Variants in NOL4 observed in about 807,000 individuals in gnomAD.
The protein encoded by NOL4 is cancer/testis antigen 125.
Under a neutral mutation model 75.9 loss-of-function variants are expected in NOL4, and 17 were observed. That is an observed-to-expected ratio of 0.22 (90% CI 0.15 to 0.34). The LOEUF (loss-of-function observed/expected upper bound fraction) is 0.34, where lower values mean the gene tolerates loss of function less well. Among genes scored for constraint, NOL4 ranks in the 10% least tolerant of loss-of-function variants. The probability of loss-of-function intolerance (pLI) is 1.00; values close to 1 mark genes in which losing one functional copy is unlikely to be tolerated. For synonymous variants in NOL4, 292 were observed against 289.9 expected (o/e 1.01, Z -0.07); for missense variants, 614 against 793.5 (o/e 0.77, Z 2.72).
intron 9 of NOL4, among the ~76,000 whole-genome samples, chr18:33,926,885 A>T (rs2067366284): frequency 6.6e-6 from 1 of 152,210 alleles, no homozygotes; most frequent in South Asian, 2.1e-4. Context: ...GGTGTGAGCC[A>T]CCGGGCCTGG....
intron 5 of NOL4, among the ~76,000 whole-genome samples, chr18:34,075,949 A>G (rs1044718367): frequency 2.0e-5 from 3 of 152,162 alleles, no homozygotes; most frequent in African/African-American, 7.2e-5. Flanking sequence ...GTGTTCATTT[A>G]TAATTGCTAA....
chr18:33,934,476 G>C (rs1347831621), intron 9 of NOL4, among the ~76,000 whole-genome samples: 2 of 152,262 alleles, frequency 1.3e-5, no homozygotes, highest in Non-Finnish European at 2.9e-5. Context: ...CGATGATGTA[G>C]TGATTTCATC....
intron 8 of NOL4, among the ~76,000 whole-genome samples, chr18:33,955,980 CATTT>C (rs2069616169): frequency 6.6e-6 from 1 of 152,068 alleles, no homozygotes; most frequent in Non-Finnish European, 1.5e-5. Context: ...TAAATATTGT[CATTT>C]GGGTTTTACA....
chr18:34,047,719 A>G (rs2076445847), intron 5 of NOL4, among the ~76,000 whole-genome samples: 1 of 152,142 alleles, frequency 6.6e-6, no homozygotes, highest in South Asian at 2.1e-4. Flanking sequence ...CATATGCTTC[A>G]TAAGAATTGG....
At position 33,958,354 on chromosome 18, in the gene NOL4, T is replaced by A; in HGVS notation, c.1121A>T (p.Glu374Val). Residue 374 changes from glutamate (E) to valine (V), a missense_variant, in exon 7 of 11, where the codon GAG becomes GTG. By Grantham distance (121) the Glu-to-Val change is moderately radical (BLOSUM62 -2). This residue lies in a region of NOL4 where 196 missense variants were observed against 167.9 expected (regional missense o/e 1.17). Transcript: ENST00000261592. The part of the protein sequence containing the change: ...GKNESVDRGA[E>V]DLSLNRGDED... The stretch of plus-strand genomic sequence containing the variant: ...ATCTCCCCTGTTTAGTGAGAGGTCC[T>A]CAGCTCCTCGGTCTACACTCTCATT... 6.3e-7 allele frequency: 1 copy of A among 1,590,894 alleles called. No individual in the cohort carries two copies. The highest frequency in any genetic ancestry group is 8.6e-7 in the Non-Finnish European group (1 of 1,168,040).
At chr18:33,908,324 G>T (rs540414659) in intron 9 of NOL4, among the ~76,000 whole-genome samples, 2 of 152,268 alleles carry the variant, frequency 1.3e-5, no homozygotes, top group South Asian at 4.1e-4. Flanking sequence ...TTGGACTGAT[G>T]ATGTGATTTC....
chr18:34,213,922 A>G (rs1381567967), intron 1 of NOL4, among the ~76,000 whole-genome samples: 1 of 152,200 alleles, frequency 6.6e-6, no homozygotes, highest in Non-Finnish European at 1.5e-5. Flanking sequence ...TGAAACATTC[A>G]TTTTACTTTT....
chr18:33,959,142 TTAAA>T (rs1296144001), intron 6 of NOL4, among the ~76,000 whole-genome samples: 1 of 152,102 alleles, frequency 6.6e-6, no homozygotes, highest in Non-Finnish European at 1.5e-5. Flanking sequence ...GCAAGAACAA[TTAAA>T]TAATAGTGAC....
At chr18:34,118,482 G>C (rs2079968854) in intron 2 of NOL4, among the ~76,000 whole-genome samples, 1 of 152,112 alleles carries the variant, frequency 6.6e-6, no homozygotes, top group Non-Finnish European at 1.5e-5. Flanking sequence ...AAATCCAAAT[G>C]TTATTAAAAG....
chr18:33,950,301 C>T (rs925711965), intron 8 of NOL4, among the ~76,000 whole-genome samples: 3 of 151,128 alleles, frequency 2.0e-5, no homozygotes, highest in Non-Finnish European at 3.0e-5. Flanking sequence ...AAAAAAAACT[C>T]GCTAAACATT....
At position 33,853,005 on chromosome 18, in the gene NOL4, A is replaced by G; in HGVS notation, c.1754T>C (p.Leu585Ser). ...GCTGGAGGATCCTGAGCTAGTCGCC[A>G]ATTGTCTCTTCATGCTGAGATCAGT... Reference protein sequence around the residue: ...GPTDLSMKRQLATSSGSSSSS... With the variant: ...GPTDLSMKRQSATSSGSSSSS... The change falls in exon 11 of 11, where the codon TTG becomes TCG. Residue 585 changes from leucine to serine, a missense_variant. By Grantham distance (145) the Leu-to-Ser change is moderately radical. Coordinates refer to ENST00000261592, the MANE Select transcript of NOL4 (RefSeq NM_003787.5). The G allele has an allele frequency of 1.2e-6, 2 of 1,612,642 alleles. No individual in the cohort carries two copies. The highest frequency in any genetic ancestry group is 1.7e-6 in the Non-Finnish European group (2 of 1,179,180).
intron 1 of NOL4, among the ~76,000 whole-genome samples, chr18:34,162,283 A>G (rs2031612907): frequency 6.6e-6 from 1 of 152,210 alleles, no homozygotes; most frequent in Admixed American, 6.5e-5. Flanking sequence ...CCTTCAAAAA[A>G]TTAATGAATC....
chr18:34,135,157 G>T (rs2080837627), intron 1 of NOL4, among the ~76,000 whole-genome samples: 1 of 151,936 alleles, frequency 6.6e-6, no homozygotes, highest in Non-Finnish European at 1.5e-5. Context: ...CAAAGTTTAA[G>T]CTCTACTTAT....
intron 5 of NOL4, among the ~76,000 whole-genome samples, chr18:34,053,217 G>C (rs924825791): frequency 3.9e-5 from 6 of 152,000 alleles, no homozygotes; most frequent in African/African-American, 1.4e-4. Flanking sequence ...TAGCAGAGAA[G>C]TAAGACCACC....
intron 5 of NOL4, among the ~76,000 whole-genome samples, chr18:34,055,228 C>A (rs917483711): frequency 6.6e-6 from 1 of 151,608 alleles, no homozygotes; most frequent in South Asian, 2.1e-4. Flanking sequence ...ATGTATTTTT[C>A]TTTACTGAAG....
intron 9 of NOL4, among the ~76,000 whole-genome samples, chr18:33,900,501 T>C (rs1433873488): frequency 6.6e-6 from 1 of 152,204 alleles, no homozygotes; most frequent in East Asian, 1.9e-4. Context: ...GAGATAAAAC[T>C]CACTTTTTAT....
chr18:34,147,551 T>C (rs1362668729), intron 1 of NOL4, among the ~76,000 whole-genome samples: 1 of 152,168 alleles, frequency 6.6e-6, no homozygotes, highest in African/African-American at 2.4e-5. Flanking sequence ...CAGCCTTGCA[T>C]CCCAGGTGTG....
chr18:34,119,459 C>T (rs950227684), intron 2 of NOL4, among the ~76,000 whole-genome samples: 15 of 152,142 alleles, frequency 9.9e-5, no homozygotes, highest in Non-Finnish European at 1.9e-4. Flanking sequence ...ATTAGCATTA[C>T]TCCAATGCAC....
At chr18:34,045,132 T>C (rs924585082) in intron 5 of NOL4, among the ~76,000 whole-genome samples, 1 of 152,088 alleles carries the variant, frequency 6.6e-6, no homozygotes, top group African/African-American at 2.4e-5. Context: ...AGGCTGGTCT[T>C]GAACTCCTGG....
Sources: allele counts gnomAD v4.1 joint callset (sites outside exome capture counted in the v4.1 genomes callset), GRCh38; gene constraint gnomAD v4.1.1; regional missense constraint gnomAD v4.1.1; transcripts MANE v1.5; gene names NCBI Gene and HGNC (gene_info 2026-07-23, HGNC 2026-07-21).